The following EPHA6 variants were observed in gnomAD, a reference collection of about 807,000 sequenced individuals.
The protein encoded by EPHA6 is ephrin type-A receptor 6.
Under a neutral mutation model 112.0 loss-of-function variants are expected in EPHA6, and 50 were observed. The observed-to-expected ratio is 0.45, with a 90% CI of 0.36 to 0.56. The LOEUF (loss-of-function observed/expected upper bound fraction) is 0.56. Among genes scored for constraint, EPHA6 ranks in the 20% least tolerant of loss-of-function variants. The pLI is 0.00. For missense variants in EPHA6, 1,280 were observed against 1,417.4 expected (o/e 0.90, Z 1.56); for synonymous variants, 529 against 490.7 (o/e 1.08, Z -1.03).
chr3:97,714,957 A>T (rs2034147610), intron 14 of EPHA6, among the ~76,000 whole-genome samples: 1 of 152,252 alleles, frequency 6.6e-6, no homozygotes. Flanking sequence ...GTTAAAAAAT[A>T]AAAAGAAAGA....
At chr3:96,984,520 A>T (rs2042942880) in intron 2 of EPHA6, among the ~76,000 whole-genome samples, 1 of 152,054 alleles carries the variant, frequency 6.6e-6, no homozygotes, top group African/African-American at 2.4e-5. Context: ...TTGAGGAGGC[A>T]GTCTGTCCAT....
chr3:96,951,108 C>T (rs2041514168), intron 2 of EPHA6, among the ~76,000 whole-genome samples: 2 of 151,862 alleles, frequency 1.3e-5, no homozygotes, highest in Admixed American at 1.3e-4. Flanking sequence ...ATTTTATTTT[C>T]AAGAAAAGAA....
At chr3:97,162,787 C>G (rs1309472630) in intron 3 of EPHA6, among the ~76,000 whole-genome samples, 1 of 152,108 alleles carries the variant, frequency 6.6e-6, no homozygotes, top group African/African-American at 2.4e-5. Flanking sequence ...GAGCATGACT[C>G]TCTGTTTATA....
At chr3:97,097,596 T>G (rs1021950699) in intron 3 of EPHA6, among the ~76,000 whole-genome samples, 1 of 151,852 alleles carries the variant, frequency 6.6e-6, no homozygotes, top group African/African-American at 2.4e-5. Context: ...ATTGTATAGC[T>G]TTATATAAAA....
In EPHA6 at chr3:97,511,868, T is replaced by G. The variant is rs933363855; in HGVS notation, c.2201-20490T>G. ...ATTTCATTAGTCCTAACATATTTTTTTTTCATTTAACATCATTGAATTTGG... is the reference window on the plus strand; with the variant it reads ...ATTTCATTAGTCCTAACATATTTTTGTTTCATTTAACATCATTGAATTTGG... On this transcript the variant is annotated intron_variant, in intron 10 of 17. Coordinates refer to ENST00000389672, the MANE Select transcript of EPHA6 (RefSeq NM_001080448.3). 3.7e-4 allele frequency among the ~76,000 whole-genome samples: 57 copies of G among 152,300 alleles called. 1 individual carries two copies. Among genetic ancestry groups the G allele is most frequent in the African/African-American group, 1.1e-3 (46 of 41,578 alleles).
chr3:97,524,288 A>G (rs371859166), intron 10 of EPHA6, among the ~76,000 whole-genome samples: 9 of 152,142 alleles, frequency 5.9e-5, no homozygotes, highest in East Asian at 1.9e-4. Context: ...TGAGGCTTGC[A>G]TAAAATATCT....
chr3:96,829,949 G>GCGCGCA (rs373416797), intron 1 of EPHA6, among the ~76,000 whole-genome samples: 33 of 136,074 alleles, frequency 2.4e-4, no homozygotes, highest in South Asian at 2.1e-3. Flanking sequence ...GCGCGCGCGC[G>GCGCGCA]CACACACACA....
chr3:96,997,629 C>A (rs932852795), intron 3 of EPHA6, among the ~76,000 whole-genome samples: 2 of 151,506 alleles, frequency 1.3e-5, no homozygotes, highest in Non-Finnish European at 2.9e-5. Flanking sequence ...TATGGTACAC[C>A]CCCAAAATAG....
intron 3 of EPHA6, among the ~76,000 whole-genome samples, chr3:97,213,915 G>A (rs2077951670): frequency 6.6e-6 from 1 of 151,716 alleles, no homozygotes; most frequent in Admixed American, 6.6e-5. Flanking sequence ...GTTCATTAAA[G>A]CATTTTTCTG....
intron 7 of EPHA6, among the ~76,000 whole-genome samples, chr3:97,452,915 T>A (rs2090573729): frequency 6.6e-6 from 1 of 151,648 alleles, no homozygotes; most frequent in South Asian, 2.1e-4. Flanking sequence ...AAATAAAAAA[T>A]TGTTGACATC....
rs886327669 is a variant in EPHA6, at chr3:97,365,371, A to G, written c.1607-39779A>G. 6.6e-5 allele frequency among the ~76,000 whole-genome samples: 10 copies of G among 152,126 alleles called. No homozygotes were observed. The East Asian group carries it at 9.7e-4, about 15-fold the overall frequency. ...ACATCATTAGCAAAATGTTTAAAAT[A>G]TTATGACAGGAAAAATCATAAAGAC... On this transcript the variant is annotated intron_variant, in intron 5 of 17. Transcript: ENST00000389672.
At chr3:97,542,021 G>A (rs956397568) in intron 11 of EPHA6, among the ~76,000 whole-genome samples, 10 of 151,768 alleles carry the variant, frequency 6.6e-5, no homozygotes, top group African/African-American at 2.4e-4. Flanking sequence ...ATGTTCGAGG[G>A]CAGGAAGCAT....
At position 97,406,540 on chromosome 3, in the gene EPHA6, T is replaced by A. The variant is rs550389662; in HGVS notation, c.1731+1266T>A. On this transcript the variant is annotated intron_variant, in intron 6 of 17. Transcript: ENST00000389672. ...AAGGTTCCATCTCTTGATTCTGTTA[T>A]AATGGCAATCAAATTAAAACATAAG... Among the ~76,000 whole-genome samples the A allele has an allele frequency of 1.5e-4, 23 of 152,284 alleles. No individual in the cohort carries two copies. The East Asian group carries it at 4.4e-3, about 29-fold the overall frequency.
intron 1 of EPHA6, among the ~76,000 whole-genome samples, chr3:96,822,850 G>A (rs2033371798): frequency 6.6e-6 from 1 of 151,200 alleles, no homozygotes; most frequent in Non-Finnish European, 1.5e-5. Context: ...AGTGTATAGA[G>A]TATAACACCT....
At chr3:97,187,816 C>A (rs921421032) in intron 3 of EPHA6, among the ~76,000 whole-genome samples, 4 of 151,946 alleles carry the variant, frequency 2.6e-5, no homozygotes, top group Non-Finnish European at 4.4e-5. Context: ...CAGAATCAAG[C>A]CTAATGTTAA....
chr3:96,844,408 AAGTT>A (rs1473696448), intron 1 of EPHA6, among the ~76,000 whole-genome samples: 10 of 152,014 alleles, frequency 6.6e-5, no homozygotes, highest in Admixed American at 6.6e-4. Flanking sequence ...TTGCCCTTCT[AAGTT>A]AGTCACATTT....
intron 12 of EPHA6, among the ~76,000 whole-genome samples, chr3:97,597,915 G>C (rs1224331304): frequency 6.6e-6 from 1 of 152,150 alleles, no homozygotes; most frequent in East Asian, 1.9e-4. Flanking sequence ...CTGTAGAAAA[G>C]TAGTAATGCA....
At chr3:97,132,320 T>A (rs938106575) in intron 3 of EPHA6, among the ~76,000 whole-genome samples, 3 of 152,090 alleles carry the variant, frequency 2.0e-5, no homozygotes, top group African/African-American at 7.2e-5. Flanking sequence ...CAGGGTTGAT[T>A]AAAGTGTTGA....
At chr3:97,424,993 C>A (rs2088992012) in intron 6 of EPHA6, among the ~76,000 whole-genome samples, 1 of 152,138 alleles carries the variant, frequency 6.6e-6, no homozygotes, top group African/African-American at 2.4e-5. Context: ...TCCTTTGACT[C>A]CATGTCTCAT....
Sources: gnomAD v4.1 joint callset for allele counts (sites outside exome capture counted in the v4.1 genomes callset) on GRCh38, gnomAD v4.1.1 for gene constraint, MANE v1.5 for transcripts, NCBI Gene and HGNC (gene_info 2026-07-23, HGNC 2026-07-21) for gene names.